CUL3: variants seen among roughly 807,000 people sequenced by gnomAD.
CUL3 encodes the protein cullin-3.
In CUL3, 19 loss-of-function variants were observed where a neutral mutation model predicts 89.1. That is an observed-to-expected ratio of 0.21 (90% CI 0.15 to 0.31). The LOEUF (loss-of-function observed/expected upper bound fraction) is 0.31. Among genes scored for constraint, CUL3 ranks in the 10% least tolerant of loss-of-function variants. The pLI, the probability that CUL3 is intolerant of heterozygous loss-of-function variation, is 1.00. For synonymous variants in CUL3, 351 were observed against 308.4 expected, an observed-to-expected ratio of 1.14 and a Z score of -1.45; for missense variants, 469 against 942.3, an observed-to-expected ratio of 0.50 and a Z score of 6.58.
In CUL3 at chr2:224,482,005, G is replaced by C; in HGVS notation, c.1916C>G (p.Pro639Arg). 1.9e-6 allele frequency: 3 copies of C among 1,608,308 alleles called. No individual in the cohort carries two copies. Among genetic ancestry groups the C allele is most frequent in the Non-Finnish European group, 1.7e-6 (2 of 1,177,702 alleles). The change falls in exon 14 of 16, where the codon CCA becomes CGA. Residue 639 changes from proline to arginine, a missense_variant. By Grantham distance (103) the Pro-to-Arg change is moderately radical. This residue lies in a region of CUL3 where 2 missense variants were observed against 31.6 expected (regional missense o/e 0.06). Transcript: ENST00000264414. Reference protein sequence around the residue: ...RALQSLACGKPTQRVLTKEPK... With the variant: ...RALQSLACGKRTQRVLTKEPK... ...TTCTTTTGTAAGAACCCGCTGTGTT[G>C]GTTTACCACAGGCGAGGGACTGTAG...
At chr2:224,514,804 G>GT in intron 3 of CUL3, 32 bp from the exon 4 acceptor site, 1 of 1,437,232 alleles carries the variant, frequency 7.0e-7, no homozygotes, top group East Asian at 2.3e-5. Context: ...TATGAGTACA[G>GT]TTCTTGTGAG....
intron 2 of CUL3, among the ~76,000 whole-genome samples, chr2:224,539,385 C>T (rs1694010925): frequency 6.6e-6 from 1 of 152,188 alleles, no homozygotes; most frequent in South Asian, 2.1e-4. Context: ...CTTTGGAAGG[C>T]AGTTTGGCAG....
At chr2:224,560,861 G>A (rs920134739) in intron 1 of CUL3, among the ~76,000 whole-genome samples, 36 of 152,114 alleles carry the variant, frequency 2.4e-4, no homozygotes, top group African/African-American at 8.2e-4. Flanking sequence ...AGCTTTATTC[G>A]ATCTGATAAT....
chr2:224,569,387 A>G lies in CUL3; in HGVS notation c.67-11531T>C, dbSNP rs1423714802. Among the ~76,000 whole-genome samples the G allele has an allele frequency of 2.0e-5, 3 of 152,204 alleles. No individual in the cohort carries two copies. In the East Asian group the frequency reaches 5.8e-4, roughly 29 times the overall value. ...AATTAAATTCATTCAGCAGAAAAAG[A>G]AACAAAAGCTTTTTTAAAGGAAAAA... On this transcript the variant is annotated intron_variant, in intron 1 of 15. Coordinates refer to ENST00000264414, the MANE Select transcript of CUL3 (RefSeq NM_003590.5).
At chr2:224,515,670 G>C (rs930068179) in intron 3 of CUL3, among the ~76,000 whole-genome samples, 5 of 151,474 alleles carry the variant, frequency 3.3e-5, no homozygotes, top group African/African-American at 1.2e-4. Context: ...AATGTAACCA[G>C]AATAATACTA....
At chr2:224,482,107 G>C (rs1163755536) in intron 13 of CUL3, 29 bp from the exon 14 acceptor site, 6 of 1,551,650 alleles carry the variant, frequency 3.9e-6, no homozygotes, top group Non-Finnish European at 5.2e-6. Flanking sequence ...AACATAATTA[G>C]ACTTTTTGAA....
chr2:224,529,250 T>A (rs1693597007), intron 3 of CUL3, among the ~76,000 whole-genome samples: 1 of 152,142 alleles, frequency 6.6e-6, no homozygotes, highest in South Asian at 2.1e-4. Context: ...TTGAATAATT[T>A]AAAACTGAAA....
intron 1 of CUL3, among the ~76,000 whole-genome samples, chr2:224,576,269 G>C (rs1396539145): frequency 6.6e-6 from 1 of 152,172 alleles, no homozygotes; most frequent in East Asian, 1.9e-4. Flanking sequence ...GAGATGCGAA[G>C]AACAGTCATG....
intron 3 of CUL3, among the ~76,000 whole-genome samples, chr2:224,517,298 C>T (rs568566878): frequency 1.1e-4 from 17 of 152,290 alleles, no homozygotes; most frequent in African/African-American, 4.1e-4. Context: ...GCATCCTGAA[C>T]ATTTTAATTT....
Position 224,473,255 on chromosome 2 carries a change from T to C in CUL3, c.*990A>G. On this transcript the variant is annotated 3_prime_UTR_variant, in exon 16 of 16. Transcript: ENST00000264414. ...GCATTTTGAAACAGAAAATTAATAG[T>C]GCACCACAGCTTCACCAAAATATAT... The C allele has an allele frequency of 5.2e-6, 1 of 190,712 alleles. No individual in the cohort carries two copies. The highest frequency in any genetic ancestry group is 1.1e-5 in the Non-Finnish European group (1 of 90,660). 11.8% of individuals were successfully genotyped at this position (190,712 alleles called of 1,614,324 possible). A position where few individuals can be genotyped will look rare whatever the true frequency, so the allele number is the denominator to read the frequency against.
chr2:224,579,236 ATTAGTT>A (rs762869577), intron 1 of CUL3, among the ~76,000 whole-genome samples: 1 of 152,196 alleles, frequency 6.6e-6, no homozygotes, highest in Non-Finnish European at 1.5e-5. Context: ...TATAAACAGT[ATTAGTT>A]TAAGTATAAG....
chr2:224,544,818 G>C (rs920681528), intron 2 of CUL3, among the ~76,000 whole-genome samples: 3 of 150,862 alleles, frequency 2.0e-5, no homozygotes, highest in Admixed American at 6.6e-5. Flanking sequence ...AGAACTGTTT[G>C]AGAAAAAAGC....
intron 5 of CUL3, among the ~76,000 whole-genome samples, chr2:224,512,475 T>G (rs2106218341): frequency 6.6e-6 from 1 of 152,270 alleles, no homozygotes; most frequent in Admixed American, 6.5e-5. Flanking sequence ...GTAGTTACGG[T>G]TTTCAGGAAA....
intron 1 of CUL3, among the ~76,000 whole-genome samples, chr2:224,584,081 A>G (rs989734058): frequency 3.9e-5 from 6 of 152,230 alleles, no homozygotes; most frequent in African/African-American, 1.2e-4. Context: ...TTTGACACCC[A>G]AAGTTATATC....
intron 1 of CUL3, among the ~76,000 whole-genome samples, chr2:224,568,061 C>A (rs925097492): frequency 1.3e-5 from 2 of 152,106 alleles, no homozygotes; most frequent in Non-Finnish European, 2.9e-5. Flanking sequence ...TTTTTTCCCC[C>A]CTGCTTTTGG....
intron 5 of CUL3, among the ~76,000 whole-genome samples, chr2:224,512,304 G>T (rs1692860874): frequency 6.6e-6 from 1 of 151,988 alleles, no homozygotes; most frequent in Non-Finnish European, 1.5e-5. Context: ...CACCGTGTTA[G>T]CCAGGATGGT....
chr2:224,557,587 A>G, intron 2 of CUL3, 72 bp downstream of exon 2: 2 of 1,048,998 alleles, frequency 1.9e-6, no homozygotes, highest in South Asian at 1.7e-5. Context: ...ACTTCCGGTC[A>G]AAGTGCAATA....
intron 3 of CUL3, among the ~76,000 whole-genome samples, chr2:224,532,243 G>C (rs1243329310): frequency 6.6e-6 from 1 of 152,146 alleles, no homozygotes; most frequent in Admixed American, 6.5e-5. Context: ...ATAAGGTGAA[G>C]AGAGTGTACC....
intron 2 of CUL3, among the ~76,000 whole-genome samples, chr2:224,552,804 G>A (rs866384824): frequency 9.2e-5 from 14 of 152,192 alleles, no homozygotes; most frequent in African/African-American, 3.1e-4. Flanking sequence ...TCGTCAGGCA[G>A]TTCAGCTAAC....
Sources: allele counts gnomAD v4.1 joint callset (sites outside exome capture counted in the v4.1 genomes callset), GRCh38; gene constraint gnomAD v4.1.1; regional missense constraint gnomAD v4.1.1; transcripts MANE v1.5; gene names NCBI Gene and HGNC (gene_info 2026-07-23, HGNC 2026-07-21).